PLCXD3: variants seen among roughly 807,000 people sequenced by gnomAD.
PLCXD3 encodes the protein phosphatidylinositol specific phospholipase C X domain containing 3, also known as PI-PLC X domain-containing protein 3.
In PLCXD3, 19 loss-of-function variants were observed where a neutral mutation model predicts 25.5. The ratio of observed to expected loss-of-function variants is 0.75; its 90% confidence interval spans 0.52 to 1.09. PLCXD3 has a LOEUF of 1.09. Ranked by LOEUF, PLCXD3 falls within the 50% of genes least tolerant of loss-of-function variation. PLCXD3 has a pLI of 0.00. For missense variants in PLCXD3, 411 were observed against 388.1 expected, an observed-to-expected ratio of 1.06 and a Z score of -0.50; for synonymous variants, 174 against 137.6, an observed-to-expected ratio of 1.26 and a Z score of -1.85.
intron 1 of PLCXD3, among the ~76,000 whole-genome samples, chr5:41,442,891 C>T (rs1747414419): frequency 1.2e-5 from 1 of 86,096 alleles, no homozygotes; most frequent in African/African-American, 2.9e-5. Context: ...TTATTTCTGT[C>T]CTTCCCTTGA....
intron 1 of PLCXD3, among the ~76,000 whole-genome samples, chr5:41,393,319 G>GA (rs1438366164): frequency 2.0e-5 from 3 of 151,768 alleles, no homozygotes; most frequent in Non-Finnish European, 2.9e-5. Flanking sequence ...AAAGTACCAA[G>GA]AAAAAAAATA....
chr5:41,378,767 G>A (rs985592985), intron 2 of PLCXD3, among the ~76,000 whole-genome samples: 1 of 152,048 alleles, frequency 6.6e-6, no homozygotes, highest in Non-Finnish European at 1.5e-5. Flanking sequence ...AGAATATAAT[G>A]TTCAGCACTT....
At chr5:41,478,635 A>G (rs1174023421) in intron 1 of PLCXD3, among the ~76,000 whole-genome samples, 2 of 152,230 alleles carry the variant, frequency 1.3e-5, no homozygotes, top group African/African-American at 2.4e-5. Context: ...GAATGATTAC[A>G]ATCAACTTAG....
At chr5:41,465,631 A>G (rs750371057) in intron 1 of PLCXD3, among the ~76,000 whole-genome samples, 1 of 151,780 alleles carries the variant, frequency 6.6e-6, no homozygotes, top group Non-Finnish European at 1.5e-5. Flanking sequence ...TTGAGTAGTG[A>G]AGTGACTCAG....
chr5:41,388,046 C>T (rs1745693473), intron 1 of PLCXD3, among the ~76,000 whole-genome samples: 1 of 151,922 alleles, frequency 6.6e-6, no homozygotes, highest in Non-Finnish European at 1.5e-5. Flanking sequence ...TTGGGAGCCA[C>T]ACTAAACAGG....
At chr5:41,410,989 T>C (rs1397665003) in intron 1 of PLCXD3, among the ~76,000 whole-genome samples, 1 of 152,122 alleles carries the variant, frequency 6.6e-6, no homozygotes, top group Non-Finnish European at 1.5e-5. Context: ...GAGCAGCTCT[T>C]ATGTGGGAAG....
At chr5:41,491,285 T>C (rs1332619917) in intron 1 of PLCXD3, among the ~76,000 whole-genome samples, 1 of 152,272 alleles carries the variant, frequency 6.6e-6, no homozygotes, top group African/African-American at 2.4e-5. Context: ...TTGATTGCAC[T>C]GTGGTCTGAG....
At chr5:41,423,227 T>G (rs1229541199) in intron 1 of PLCXD3, among the ~76,000 whole-genome samples, 1 of 152,138 alleles carries the variant, frequency 6.6e-6, no homozygotes, top group African/African-American at 2.4e-5. Flanking sequence ...AAAAATGGGT[T>G]ATATGTTCTT....
At chr5:41,377,266 A>G (rs1247510215) in intron 2 of PLCXD3, among the ~76,000 whole-genome samples, 1 of 152,010 alleles carries the variant, frequency 6.6e-6, no homozygotes, top group Admixed American at 6.6e-5. Flanking sequence ...TCATGAATAT[A>G]ACACAGTAAA....
At chr5:41,424,797 T>C (rs964071881) in intron 1 of PLCXD3, among the ~76,000 whole-genome samples, 3 of 152,236 alleles carry the variant, frequency 2.0e-5, no homozygotes, top group Admixed American at 2.0e-4. Context: ...CAATCAATAT[T>C]TAAATATGCT....
Position 41,510,518 on chromosome 5 carries a change from C to A in PLCXD3, c.9G>T (p.Ser3=). 6.2e-7 allele frequency: 1 copy of A among 1,612,944 alleles called. No homozygotes were observed. Among genetic ancestry groups the A allele is most frequent in the African/African-American group, 1.3e-5 (1 of 74,988 alleles). ...ATTTCAGCTCGTTTTTCCCCTGAGA[C>A]GAGGCCATCGTGCCAGTCGGCGTGC... MA[S]SQGKNELKLA... Residue 3 remains serine, a synonymous_variant, in exon 1 of 3, where the codon TCG becomes TCT. Transcript: ENST00000377801.
intron 2 of PLCXD3, among the ~76,000 whole-genome samples, chr5:41,325,375 A>G (rs972245724): frequency 3.9e-5 from 6 of 152,232 alleles, no homozygotes; most frequent in Non-Finnish European, 8.8e-5. Flanking sequence ...GACTCACTGT[A>G]CTGGATTAAA....
chr5:41,375,400 G>T (rs964388005), intron 2 of PLCXD3, among the ~76,000 whole-genome samples: 2 of 152,048 alleles, frequency 1.3e-5, no homozygotes, highest in South Asian at 4.1e-4. Context: ...CCTCTCTGGG[G>T]TGTCTCTTCT....
chr5:41,482,665 G>A (rs186549505), intron 1 of PLCXD3, among the ~76,000 whole-genome samples: 3 of 152,288 alleles, frequency 2.0e-5, no homozygotes, highest in Admixed American at 2.0e-4. Flanking sequence ...CTTTCTTGCT[G>A]TTAGAGCCTC....
chr5:41,486,252 T>C (rs186260452), intron 1 of PLCXD3, among the ~76,000 whole-genome samples: 41 of 152,122 alleles, frequency 2.7e-4, no homozygotes, highest in South Asian at 1.3e-3. Context: ...TTTCCTATTA[T>C]CTCTGTCAAT....
chr5:41,331,826 A>G (rs1743816007), intron 2 of PLCXD3, among the ~76,000 whole-genome samples: 1 of 152,186 alleles, frequency 6.6e-6, no homozygotes, highest in African/African-American at 2.4e-5. Context: ...AAACCTGAGA[A>G]AAAAAAGCAA....
intron 1 of PLCXD3, among the ~76,000 whole-genome samples, chr5:41,415,463 T>G (rs1746671852): frequency 6.6e-6 from 1 of 152,176 alleles, no homozygotes; most frequent in African/African-American, 2.4e-5. Context: ...GGATCTAGAT[T>G]AGAAAATCCA....
intron 1 of PLCXD3, among the ~76,000 whole-genome samples, chr5:41,417,211 G>C (rs318036): frequency 0.16 from 24,212 of 152,116 alleles, 2,508 homozygotes; most frequent in African/African-American, 0.29. Context: ...CTGCCTAAGG[G>C]TCCCAGGAAG....
chr5:41,441,533 C>T (rs1747385290), intron 1 of PLCXD3, among the ~76,000 whole-genome samples: 1 of 152,174 alleles, frequency 6.6e-6, no homozygotes, highest in African/African-American at 2.4e-5. Context: ...AAACCTCCCT[C>T]CAGGAGGGAG....
Sources: gnomAD v4.1 joint callset for allele counts (sites outside exome capture counted in the v4.1 genomes callset) on GRCh38, gnomAD v4.1.1 for gene constraint, MANE v1.5 for transcripts, NCBI Gene and HGNC (gene_info 2026-07-23, HGNC 2026-07-21) for gene names.